FBN1: variants seen among roughly 807,000 people sequenced by gnomAD.
The protein encoded by FBN1 is fibrillin 1, also known as fibrillin-1.
Under a neutral mutation model 365.1 loss-of-function variants are expected in FBN1, and 29 were observed. The observed-to-expected ratio is 0.08, with a 90% CI of 0.06 to 0.11. FBN1 has a LOEUF of 0.11. Ranked by LOEUF, FBN1 falls within the 10% of genes least tolerant of loss-of-function variation. FBN1 has a pLI of 1.00. For synonymous variants in FBN1, 1,210 were observed against 1,270.5 expected (o/e 0.95, Z 1.01); for missense variants, 2,476 against 3,703.2 (o/e 0.67, Z 8.60).
At chr15:48,548,340 C>A (rs1305191555) in intron 6 of FBN1, among the ~76,000 whole-genome samples, 1 of 152,132 alleles carries the variant, frequency 6.6e-6, no homozygotes, top group African/African-American at 2.4e-5. Flanking sequence ...AAATATTCAT[C>A]CTGCTCTTTG....
At chr15:48,520,898 A>C in intron 9 of FBN1, 81 bp from the exon 10 acceptor site, 2 of 1,584,614 alleles carry the variant, frequency 1.3e-6, no homozygotes, top group Non-Finnish European at 1.7e-6. Context: ...GAGCAGCTCC[A>C]TACTTCACAC....
At chr15:48,515,207 G>C (rs371790584) in intron 12 of FBN1, among the ~76,000 whole-genome samples, 180 bp downstream of exon 12, 1 of 152,208 alleles carries the variant, frequency 6.6e-6, no homozygotes, top group Non-Finnish European at 1.5e-5. Context: ...ACACCTGGAT[G>C]TTAGCCCAGT....
intron 6 of FBN1, among the ~76,000 whole-genome samples, chr15:48,568,440 ACCTGTAGATT>A (rs2044278188): frequency 1.3e-5 from 2 of 152,154 alleles, no homozygotes; most frequent in Non-Finnish European, 2.9e-5. Flanking sequence ...TCACAAATTG[ACCTGTAGATT>A]AAAGGTAATC....
At chr15:48,542,260 G>C (rs968075475) in intron 6 of FBN1, among the ~76,000 whole-genome samples, 1 of 152,078 alleles carries the variant, frequency 6.6e-6, no homozygotes, top group East Asian at 1.9e-4. Context: ...ATGAATTCTC[G>C]TCCCTCCTGC....
At chr15:48,539,849 T>A (rs1026744868) in intron 6 of FBN1, among the ~76,000 whole-genome samples, 1 of 152,208 alleles carries the variant, frequency 6.6e-6, no homozygotes, top group Non-Finnish European at 1.5e-5. Flanking sequence ...TTTTTAGTTT[T>A]ATATAGTCAA....
rs114383772 is a variant in FBN1 at position 48,439,817 on chromosome 15, T to C, written c.6164-1900A>G. Reference sequence around the variant, plus strand: ...GCACGAAGTCTTGAGTCAGTCTAAGTGGCAAATTCTCTTCGTTGAACTTTG... The same window carrying C: ...GCACGAAGTCTTGAGTCAGTCTAAGCGGCAAATTCTCTTCGTTGAACTTTG... On this transcript the variant is annotated intron_variant, in intron 50 of 65. Coordinates refer to ENST00000316623, the MANE Select transcript of FBN1 (RefSeq NM_000138.5). Among the ~76,000 whole-genome samples the C allele has an allele frequency of 5.2e-3, 792 of 152,334 alleles. 4 individuals are homozygous for C. Among genetic ancestry groups the C allele is most frequent in the African/African-American group, 0.018 (760 of 41,566 alleles).
chr15:48,625,639 G>A (rs957938252), intron 2 of FBN1, among the ~76,000 whole-genome samples: 6 of 152,122 alleles, frequency 3.9e-5, no homozygotes, highest in African/African-American at 1.2e-4. Context: ...AGAAGATCCC[G>A]CCCCATTAGC....
intron 2 of FBN1, among the ~76,000 whole-genome samples, chr15:48,625,899 A>G (rs1382338805): frequency 6.6e-6 from 1 of 152,202 alleles, no homozygotes; most frequent in East Asian, 1.9e-4. Flanking sequence ...TTACAATCCC[A>G]GCACCTAACA....
At chr15:48,601,256 G>A (rs145474876) in intron 4 of FBN1, among the ~76,000 whole-genome samples, 263 of 152,342 alleles carry the variant, frequency 1.7e-3, no homozygotes, top group African/African-American at 5.8e-3. Flanking sequence ...GCGCAGGCAA[G>A]TGCTCTCATT....
At chr15:48,474,121 G>C in intron 34 of FBN1, 134 bp downstream of exon 34, 3 of 1,358,308 alleles carry the variant, frequency 2.2e-6, no homozygotes, top group Non-Finnish European at 3.1e-6. Flanking sequence ...TTTTCCCACA[G>C]AGCTCTAGTG....
At chr15:48,531,983 G>A (rs1328396439) in intron 8 of FBN1, among the ~76,000 whole-genome samples, 1 of 152,224 alleles carries the variant, frequency 6.6e-6, no homozygotes. Context: ...ACTTTCACAT[G>A]TAGCTGGAAA....
In FBN1 at chr15:48,471,915, T is replaced by A. The variant is rs547203109; in HGVS notation, c.4336+636A>T. ...TAACAGGTTCCCAGGACTCTTCGTG[T>A]CTGACCAACACTTATCAGAATGACA... On this transcript the variant is annotated intron_variant, in intron 35 of 65. Coordinates refer to ENST00000316623, the MANE Select transcript of FBN1 (RefSeq NM_000138.5). 4.6e-5 allele frequency among the ~76,000 whole-genome samples: 7 copies of A among 152,376 alleles called. No individual in the cohort carries two copies. The South Asian group carries it at 1.2e-3, about 27-fold the overall frequency.
chr15:48,559,809 A>G (rs1597605087), intron 6 of FBN1, among the ~76,000 whole-genome samples: 1 of 152,232 alleles, frequency 6.6e-6, no homozygotes, highest in Non-Finnish European at 1.5e-5. Flanking sequence ...CAATGAACAA[A>G]ATATATTGAA....
intron 6 of FBN1, among the ~76,000 whole-genome samples, chr15:48,542,227 G>A (rs1054173189): frequency 3.3e-5 from 5 of 152,182 alleles, no homozygotes; most frequent in African/African-American, 1.2e-4. Flanking sequence ...ATCGTTTACA[G>A]GGAAAGAATA....
intron 8 of FBN1, among the ~76,000 whole-genome samples, chr15:48,533,419 G>C (rs750464512): frequency 6.6e-6 from 1 of 152,142 alleles, no homozygotes; most frequent in Non-Finnish European, 1.5e-5. Context: ...GACTGTAATT[G>C]GAAGTCAGGC....
chr15:48,600,114 A>C (rs764089349), intron 5 of FBN1, 25 bp downstream of exon 5: 1 of 1,518,174 alleles, frequency 6.6e-7, no homozygotes, highest in Non-Finnish European at 9.2e-7. Context: ...AACATCTAGA[A>C]TACTTATAAC....
intron 27 of FBN1, 66 bp from the exon 28 acceptor site, chr15:48,487,503 T>TC: frequency 1.2e-6 from 2 of 1,601,710 alleles, no homozygotes; most frequent in Non-Finnish European, 1.7e-6. Flanking sequence ...CAAGCACTCC[T>TC]CCCCCACCCA....
At chr15:48,503,693 A>G in intron 17 of FBN1, 94 bp downstream of exon 17, 1 of 1,569,650 alleles carries the variant, frequency 6.4e-7, no homozygotes, top group East Asian at 2.2e-5. Context: ...CCTGGAGAGC[A>G]AAATGTCATC....
intron 2 of FBN1, among the ~76,000 whole-genome samples, chr15:48,633,430 C>A (rs1042897972): frequency 3.3e-5 from 5 of 152,190 alleles, no homozygotes; most frequent in Non-Finnish European, 7.3e-5. Context: ...GACTCTTTGA[C>A]TGCCAATTAG....
Sources: allele counts gnomAD v4.1 joint callset (sites outside exome capture counted in the v4.1 genomes callset), GRCh38; gene constraint gnomAD v4.1.1; transcripts MANE v1.5; gene names NCBI Gene and HGNC (gene_info 2026-07-23, HGNC 2026-07-21).